The following VASP variants were observed in gnomAD, a reference collection of about 807,000 sequenced individuals.
VASP encodes vasodilator-stimulated phosphoprotein.
A neutral mutation model predicts 54.4 loss-of-function variants in VASP; 27 were observed. The observed-to-expected ratio is 0.50, with a 90% CI of 0.37 to 0.68. The LOEUF (loss-of-function observed/expected upper bound fraction) is 0.68. Ranked by LOEUF, VASP falls within the 30% of genes least tolerant of loss-of-function variation. VASP has a pLI of 0.00. For synonymous variants in VASP, 233 were observed against 209.8 expected, an observed-to-expected ratio of 1.11 and a Z score of -0.96; for missense variants, 488 against 528.3, an observed-to-expected ratio of 0.92 and a Z score of 0.75.
chr19:45,513,096 C>T (rs911771082), intron 1 of VASP, among the ~76,000 whole-genome samples: 1 of 152,136 alleles, frequency 6.6e-6, no homozygotes. Flanking sequence ...GCAATTCCCC[C>T]TTGTCAAAAG....
At chr19:45,511,394 A>G (rs976581295) in intron 1 of VASP, among the ~76,000 whole-genome samples, 1 of 151,882 alleles carries the variant, frequency 6.6e-6, no homozygotes. Flanking sequence ...AATCCTTACA[A>G]TGAACCCAGT....
chr19:45,516,983 C>CAAAAAAA lies in VASP; in HGVS notation c.6-663_6-657dup, dbSNP rs112095290. 2.2e-3 allele frequency among the ~76,000 whole-genome samples: 128 copies of CAAAAAAA among 57,784 alleles called. 7 individuals are homozygous for CAAAAAAA. Among genetic ancestry groups the CAAAAAAA allele is most frequent in the African/African-American group, 2.9e-3 (42 of 14,502 alleles). The allele number at this position is 57,784 out of a possible 152,430, so 37.9% of individuals were successfully genotyped here. A position where few individuals can be genotyped will look rare whatever the true frequency, so the allele number is the denominator to read the frequency against. On this transcript the variant is annotated intron_variant, in intron 1 of 12. Transcript: ENST00000245932. The stretch of plus-strand genomic sequence containing the variant: ...CGGGTGACAGAGTAAGACTCTGTCT[C>CAAAAAAA]AAAAAAAAAAAAAAAAAAAAAAAGA...
In VASP at chr19:45,507,541, T is replaced by G; in HGVS notation, c.-231T>G. The G allele has an allele frequency of 1.9e-6, 1 of 520,224 alleles. No homozygotes were observed. The highest frequency in any genetic ancestry group is 3.4e-6 in the Non-Finnish European group (1 of 296,532). The allele number at this position is 520,224 out of a possible 1,614,324, so 32.2% of individuals were successfully genotyped here. A position where few individuals can be genotyped will look rare whatever the true frequency, so the allele number is the denominator to read the frequency against. ...GGGGTGCGCGCTGGGGAGCGGACGC[T>G]GCATCCCCTTTCTGCTGCAGGAACC... is the stretch of plus-strand genomic sequence containing the variant. On this transcript the variant is annotated 5_prime_UTR_variant, in exon 1 of 13. Coordinates refer to ENST00000245932, the MANE Select transcript of VASP (RefSeq NM_003370.4). The surrounding 1 kb of genome is among the most constrained non-coding windows in gnomAD (Gnocchi z 4.4).
Position 45,523,189 on chromosome 19 carries a change from A to ATTTTTTTT in VASP, c.821+371_821+372insTTTTTTTT, listed in dbSNP as rs1568390471. Among the ~76,000 whole-genome samples, 215 of 106,966 alleles carry ATTTTTTTT rather than the reference A, an allele frequency of 2.0e-3. 18 individuals are homozygous for ATTTTTTTT. Among genetic ancestry groups the ATTTTTTTT allele is most frequent in the Non-Finnish European group, 2.1e-3 (119 of 56,294 alleles). The allele number at this position is 106,966 out of a possible 152,430, so 70.2% of individuals were successfully genotyped here. A position where few individuals can be genotyped will look rare whatever the true frequency, so the allele number is the denominator to read the frequency against. ...CTGATTCTAGAACCACAATCTCTTG[A>ATTTTTTTT]ATTTTTTTTTTTTTTTTTTTTTTTT... On this transcript the variant is annotated intron_variant, in intron 7 of 12. Coordinates refer to ENST00000245932, the MANE Select transcript of VASP (RefSeq NM_003370.4).
rs1390782570 is a variant in VASP at position 45,526,477 on chromosome 19, G to A, written c.*300G>A. 1 of 321,934 alleles carries A rather than the reference G, an allele frequency of 3.1e-6. No homozygotes were observed. The highest frequency in any genetic ancestry group is 5.7e-6 in the Non-Finnish European group (1 of 176,830). 19.9% of individuals were successfully genotyped at this position (321,934 alleles called of 1,614,324 possible). A position where few individuals can be genotyped will look rare whatever the true frequency, so the allele number is the denominator to read the frequency against. On this transcript the variant is annotated 3_prime_UTR_variant, in exon 13 of 13. Coordinates refer to ENST00000245932, the MANE Select transcript of VASP (RefSeq NM_003370.4). ...AATGAACCCCACAGGAAGGGGGAAGGAAGGAGGGAATTTCACATTCCCTTG... is the reference window on the plus strand; with the variant it reads ...AATGAACCCCACAGGAAGGGGGAAGAAAGGAGGGAATTTCACATTCCCTTG...
At chr19:45,521,546 A>G in intron 4 of VASP, 140 bp downstream of exon 4, 1 of 746,138 alleles carries the variant, frequency 1.3e-6, no homozygotes, top group East Asian at 2.9e-5. Context: ...TCAGAGTTGC[A>G]GAACCTCCTG....
At chr19:45,516,683 G>GT (rs1322509179) in intron 1 of VASP, among the ~76,000 whole-genome samples, 2 of 152,090 alleles carry the variant, frequency 1.3e-5, no homozygotes, top group African/African-American at 2.4e-5. Context: ...GTTGTGTTGT[G>GT]TTTTTTATTT....
chr19:45,525,061 A>C (rs1036704390), intron 11 of VASP: 7 of 195,940 alleles, frequency 3.6e-5, no homozygotes, highest in Non-Finnish European at 7.5e-5. Context: ...CAGCGATGTC[A>C]TGGTGTCGAT....
chr19:45,507,638 G>A lies in VASP; in HGVS notation c.-134G>A. 4 of 1,188,880 alleles carry A rather than the reference G, an allele frequency of 3.4e-6. No homozygotes were observed. The highest frequency in any genetic ancestry group is 2.8e-4 in the Middle Eastern group (1 of 3,528). 73.6% of individuals were successfully genotyped at this position (1,188,880 alleles called of 1,614,324 possible). ...GCCCGGTCCACATTCTCCCCAGGAA[G>A]CCGGACTCTATGGGGCGGGACCCTG... On this transcript the variant is annotated 5_prime_UTR_variant, in exon 1 of 13. Transcript: ENST00000245932. This position sits in a 1 kb window ranked among gnomAD's most constrained non-coding sequence, Gnocchi z 4.4.
rs1269059534 is a variant in VASP at position 45,519,620 on chromosome 19, G to C, written c.343+1526G>C. On this transcript the variant is annotated intron_variant, in intron 3 of 12. Coordinates refer to ENST00000245932, the MANE Select transcript of VASP (RefSeq NM_003370.4). ...GCTTTTTTTTTTTTTTTTTGGAGAC[G>C]GAGTCTCGCTCTGTCCCCAGGTTGG... Among the ~76,000 whole-genome samples the C allele has an allele frequency of 2.4e-5, 3 of 125,712 alleles. No individual in the cohort carries two copies. The South Asian group carries it at 8.0e-4, about 34-fold the overall frequency. 82.5% of individuals were successfully genotyped at this position (125,712 alleles called of 152,430 possible).
chr19:45,523,591 A>T, intron 7 of VASP, 53 bp from the exon 8 acceptor site: 13 of 1,593,746 alleles, frequency 8.2e-6, no homozygotes, highest in African/African-American at 1.3e-5. Flanking sequence ...CTCCCCTCAG[A>T]AGGGGATGGG....
intron 11 of VASP, 65 bp downstream of exon 11, chr19:45,524,725 A>C: frequency 6.9e-7 from 1 of 1,457,868 alleles, no homozygotes; most frequent in Non-Finnish European, 9.5e-7. Context: ...TGCCACTGGC[A>C]TGCCGTATGA....
At chr19:45,523,345 G>A (rs1968887742) in intron 7 of VASP, among the ~76,000 whole-genome samples, 2 of 151,606 alleles carry the variant, frequency 1.3e-5, no homozygotes, top group African/African-American at 2.4e-5. Context: ...CGGGATTACA[G>A]GCATGAGTCA....
At chr19:45,510,856 TG>T (rs1292862478) in intron 1 of VASP, among the ~76,000 whole-genome samples, 2 of 146,906 alleles carry the variant, frequency 1.4e-5, no homozygotes, top group African/African-American at 5.1e-5. Context: ...TCGTTTGAGC[TG>T]GGGAGGTTGA....
chr19:45,518,577 C>CA (rs1165245812), intron 3 of VASP, among the ~76,000 whole-genome samples: 13 of 151,830 alleles, frequency 8.6e-5, no homozygotes, highest in Admixed American at 3.3e-4. Context: ...AAAACAAACA[C>CA]AAAAAAAATG....
rs955027226 is a variant in VASP, at chr19:45,517,657, C to T, written c.6-6C>T. The T allele has an allele frequency of 6.2e-7, 1 of 1,605,832 alleles. No individual in the cohort carries two copies. Among genetic ancestry groups the T allele is most frequent in the Non-Finnish European group, 8.5e-7 (1 of 1,179,522 alleles). Reference sequence around the variant, plus strand: ...CGGCCCCTCTCCCTTTTCCTCCCGCCTGCAGCGAGACGGTCATCTGTTCCA... The same window carrying T: ...CGGCCCCTCTCCCTTTTCCTCCCGCTTGCAGCGAGACGGTCATCTGTTCCA... On this transcript the variant is annotated splice_polypyrimidine_tract_variant and splice_region_variant and intron_variant, in intron 1 of 12. Transcript: ENST00000245932.
intron 1 of VASP, among the ~76,000 whole-genome samples, chr19:45,508,893 A>G (rs906835475): frequency 6.6e-6 from 1 of 152,172 alleles, no homozygotes; most frequent in Non-Finnish European, 1.5e-5. Context: ...GGGCGGGGCC[A>G]GTGTGGGCAG....
chr19:45,518,211 TA>T, intron 3 of VASP, 117 bp downstream of exon 3: 1 of 1,385,576 alleles, frequency 7.2e-7, no homozygotes, highest in South Asian at 1.5e-5. Context: ...AATTCATTGT[TA>T]TCATGGAAAA....
At chr19:45,524,429 A>C (rs1021197268) in intron 10 of VASP, 141 bp from the exon 11 acceptor site, 7 of 829,374 alleles carry the variant, frequency 8.4e-6, no homozygotes, top group Non-Finnish European at 1.4e-5. Flanking sequence ...AAACCAAAAA[A>C]AAAAAAAACT....
Sources: gnomAD v4.1 joint callset for allele counts (sites outside exome capture counted in the v4.1 genomes callset) on GRCh38, gnomAD v4.1.1 for gene constraint, Gnocchi (gnomAD v3.1) non-coding constraint, MANE v1.5 for transcripts, NCBI Gene and HGNC (gene_info 2026-07-23, HGNC 2026-07-21) for gene names.